LRRC37A2: variants seen among roughly 807,000 people sequenced by gnomAD.
LRRC37A2 encodes the protein leucine rich repeat containing 37 member A2, also known as leucine-rich repeat-containing protein 37A2.
Under a neutral mutation model 68.8 loss-of-function variants are expected in LRRC37A2, and 9 were observed. The ratio of observed to expected loss-of-function variants is 0.13; its 90% CI spans 0.08 to 0.23. The LOEUF (loss-of-function observed/expected upper bound fraction) is 0.23. LRRC37A2 is among the 10% of genes least tolerant of loss of function. LRRC37A2 has a pLI of 1.00. For missense variants in LRRC37A2, 168 were observed against 950.4 expected, an observed-to-expected ratio of 0.18 and a Z score of 10.82; for synonymous variants, 63 against 367.6, an observed-to-expected ratio of 0.17 and a Z score of 9.48.
At chr17:46,905,046 G>T in the LRRC37A2 span, among the ~76,000 whole-genome samples, 1 of 152,124 alleles carries the variant, frequency 6.6e-6, no homozygotes, top group African/African-American at 2.4e-5. Context: ...AAAGGGGAAT[G>T]GCAGCGGCCC....
the LRRC37A2 span, among the ~76,000 whole-genome samples, chr17:46,693,248 AG>A: frequency 6.7e-6 from 1 of 148,986 alleles, no homozygotes; most frequent in Non-Finnish European, 1.5e-5. Context: ...GATGGATTTC[AG>A]TCACTTGTAG....
the LRRC37A2 span, among the ~76,000 whole-genome samples, chr17:46,733,737 C>T: frequency 2.6e-5 from 4 of 152,256 alleles, no homozygotes; most frequent in East Asian, 1.9e-4. Flanking sequence ...TGAAGCTCAA[C>T]GATTGGAAAA....
chr17:46,679,245 C>T, the LRRC37A2 span, among the ~76,000 whole-genome samples: 2 of 149,174 alleles, frequency 1.3e-5, no homozygotes, highest in Non-Finnish European at 3.0e-5. Flanking sequence ...CTTATGATTA[C>T]GTAGGCGTTC....
At chr17:46,829,454 G>A in the LRRC37A2 span, among the ~76,000 whole-genome samples, 1 of 152,206 alleles carries the variant, frequency 6.6e-6, no homozygotes, top group East Asian at 1.9e-4. Context: ...ACTGTGTAAG[G>A]CACCACGCCT....
At chr17:46,739,867 T>C in the LRRC37A2 span, among the ~76,000 whole-genome samples, 1 of 151,858 alleles carries the variant, frequency 6.6e-6, no homozygotes, top group East Asian at 1.9e-4. Flanking sequence ...CCCAGATAAT[T>C]TTTTGTATTT....
chr17:46,992,008 A>G, the LRRC37A2 span, among the ~76,000 whole-genome samples: 1 of 152,242 alleles, frequency 6.6e-6, no homozygotes, highest in East Asian at 1.9e-4. Flanking sequence ...AATGTCCAAG[A>G]AAGTGGATTG....
chr17:46,844,304 C>CTT, the LRRC37A2 span, among the ~76,000 whole-genome samples: 2 of 100,384 alleles, frequency 2.0e-5, no homozygotes, highest in Admixed American at 1.2e-4. Flanking sequence ...GAGTTAGCCA[C>CTT]CTTTTTTTTT....
At chr17:46,935,708 A>C in the LRRC37A2 span, 6 of 989,438 alleles carry the variant, frequency 6.1e-6, no homozygotes, top group Non-Finnish European at 7.2e-6. Flanking sequence ...TGGTGATCCC[A>C]GCGACTCTTC....
chr17:46,773,869 G>T, the LRRC37A2 span: 1 of 1,612,740 alleles, frequency 6.2e-7, no homozygotes, highest in Non-Finnish European at 8.5e-7. Context: ...AGCAGGGGCT[G>T]TGAGCCCAGA....
the LRRC37A2 span, chr17:47,024,558 A>G: frequency 1.3e-6 from 1 of 765,618 alleles, no homozygotes. Flanking sequence ...ATGAAAGCAG[A>G]GCAGATCCCA....
At chr17:46,913,451 G>A in the LRRC37A2 span, among the ~76,000 whole-genome samples, 8 of 152,256 alleles carry the variant, frequency 5.3e-5, no homozygotes, top group African/African-American at 1.4e-4. Flanking sequence ...CCAGCCTAGA[G>A]GTTGGGGCCA....
At chr17:47,019,878 T>A in the LRRC37A2 span, 1,168 of 815,488 alleles carry the variant, frequency 1.4e-3, 10 homozygotes, top group East Asian at 2.9e-3. Flanking sequence ...TTCCTGGGCC[T>A]TCTTTATCTC....
the LRRC37A2 span, among the ~76,000 whole-genome samples, chr17:46,849,479 C>G: frequency 4.5e-3 from 693 of 152,330 alleles, 10 homozygotes; most frequent in African/African-American, 0.016. Flanking sequence ...TGGGGTCTGT[C>G]TGCCACCCCA....
At chr17:46,954,525 A>G in the LRRC37A2 span, among the ~76,000 whole-genome samples, 1 of 152,152 alleles carries the variant, frequency 6.6e-6, no homozygotes, top group East Asian at 1.9e-4. Context: ...TTTTGGTTCC[A>G]TATGAACTTT....
At chr17:46,716,214 C>G in the LRRC37A2 span, among the ~76,000 whole-genome samples, 1 of 150,594 alleles carries the variant, frequency 6.6e-6, no homozygotes, top group East Asian at 1.9e-4. Flanking sequence ...AAATGTCATT[C>G]TTTAGTATAA....
the LRRC37A2 span, chr17:46,931,984 C>CT: frequency 8.1e-7 from 1 of 1,236,388 alleles, no homozygotes; most frequent in Non-Finnish European, 1.2e-6. Flanking sequence ...GAAACGCCGT[C>CT]TTTCCTCAGT....
At chr17:46,780,926 G>A in the LRRC37A2 span, among the ~76,000 whole-genome samples, 1 of 152,080 alleles carries the variant, frequency 6.6e-6, no homozygotes, top group Non-Finnish European at 1.5e-5. Context: ...ACATACAGTG[G>A]GACCCTATTC....
chr17:46,741,419 T>A, the LRRC37A2 span, among the ~76,000 whole-genome samples: 4 of 152,192 alleles, frequency 2.6e-5, no homozygotes, highest in Non-Finnish European at 5.9e-5. Context: ...CCCCCCCTTA[T>A]TGTCTTCTGT....
At chr17:46,901,803 ATTTTT>A in the LRRC37A2 span, among the ~76,000 whole-genome samples, 2 of 128,200 alleles carry the variant, frequency 1.6e-5, no homozygotes, top group African/African-American at 3.3e-5. Context: ...TGGAGCAAGA[ATTTTT>A]TTTTTTTTTT....
Sources: allele counts gnomAD v4.1 joint callset (sites outside exome capture counted in the v4.1 genomes callset), GRCh38; gene constraint gnomAD v4.1.1; transcripts MANE v1.5; gene names NCBI Gene and HGNC (gene_info 2026-07-23, HGNC 2026-07-21).